The following KCNMA1 variants were observed in gnomAD, a reference collection of about 807,000 sequenced individuals.
KCNMA1 encodes Calcium-activated potassium channel subunit alpha-1.
In KCNMA1, 29 loss-of-function variants were observed where a neutral mutation model predicts 140.0. The ratio of observed to expected loss-of-function variants is 0.21; its 90% CI spans 0.15 to 0.28. KCNMA1 has a LOEUF of 0.28. Among genes scored for constraint, KCNMA1 ranks in the 10% least tolerant of loss-of-function variants. The pLI, the probability that KCNMA1 is intolerant of heterozygous loss-of-function variation, is 1.00. For synonymous variants in KCNMA1, 612 were observed against 611.9 expected (o/e 1.00, Z 0.00); for missense variants, 880 against 1,602.2 (o/e 0.55, Z 7.70).
chr10:77,559,080 T>C (rs2670107), intron 1 of KCNMA1, among the ~76,000 whole-genome samples: 59,424 of 152,066 alleles, frequency 0.39, 12,576 homozygotes, highest in Non-Finnish European at 0.48. Flanking sequence ...CCCCTGTCAC[T>C]GGGCAACATG....
chr10:77,188,244 C>T (rs1457360959), intron 3 of KCNMA1, among the ~76,000 whole-genome samples: 1 of 151,882 alleles, frequency 6.6e-6, no homozygotes, highest in Non-Finnish European at 1.5e-5. Flanking sequence ...GGCATATCCA[C>T]CTCAGAAGGA....
chr10:76,950,959 G>T (rs1235300877), intron 21 of KCNMA1, among the ~76,000 whole-genome samples: 1 of 152,168 alleles, frequency 6.6e-6, no homozygotes, highest in Admixed American at 6.5e-5. Context: ...TATCTGGGCC[G>T]CACGGAAGTG....
At chr10:76,956,040 T>G (rs774437985) in intron 20 of KCNMA1, among the ~76,000 whole-genome samples, 1 of 152,102 alleles carries the variant, frequency 6.6e-6, no homozygotes. Flanking sequence ...TATGTTCCCA[T>G]AATATCAGCA....
At chr10:77,342,408 T>C (rs1326897490) in intron 2 of KCNMA1, among the ~76,000 whole-genome samples, 1 of 152,134 alleles carries the variant, frequency 6.6e-6, no homozygotes, top group Non-Finnish European at 1.5e-5. Context: ...TCAAGGGAAA[T>C]TCAGTCATTT....
chr10:77,049,310 T>G (rs1327270724), intron 14 of KCNMA1, among the ~76,000 whole-genome samples: 2 of 152,220 alleles, frequency 1.3e-5, no homozygotes, highest in Non-Finnish European at 2.9e-5. Context: ...TGTGCTGTGC[T>G]GTCCCTGCCT....
At chr10:77,406,692 A>G (rs1304946063) in intron 1 of KCNMA1, among the ~76,000 whole-genome samples, 1 of 152,060 alleles carries the variant, frequency 6.6e-6, no homozygotes, top group African/African-American at 2.4e-5. Flanking sequence ...CCCTTCACCC[A>G]AGGACAGAAC....
chr10:77,573,627 GGAATGGAATGGAATGGAATAGAATA>G (rs1373179092), intron 1 of KCNMA1, among the ~76,000 whole-genome samples: 1,280 of 87,030 alleles, frequency 0.015, 14 homozygotes, highest in Middle Eastern at 0.022. Context: ...GGAATGGAAT[GGAATGGAATGGAATGGAATAGAATA>G]GAATAGAATA....
chr10:77,042,351 A>T (rs1040140563), intron 14 of KCNMA1, among the ~76,000 whole-genome samples: 22 of 152,218 alleles, frequency 1.4e-4, no homozygotes, highest in African/African-American at 5.1e-4. Flanking sequence ...ACTCTAACTA[A>T]TTTGAAGAAA....
At chr10:76,981,357 C>T (rs533990069) in intron 19 of KCNMA1, among the ~76,000 whole-genome samples, 1 of 152,272 alleles carries the variant, frequency 6.6e-6, no homozygotes, top group Non-Finnish European at 1.5e-5. Context: ...CAAGAAAAGC[C>T]AGAAAACGTT....
intron 1 of KCNMA1, among the ~76,000 whole-genome samples, chr10:77,543,724 C>G (rs1037272562): frequency 1.3e-5 from 2 of 152,020 alleles, no homozygotes; most frequent in Non-Finnish European, 2.9e-5. Flanking sequence ...TGAATTCCTA[C>G]GTAGGGGACA....
chr10:77,294,472 C>A (rs1236917476), intron 2 of KCNMA1, among the ~76,000 whole-genome samples: 1 of 152,172 alleles, frequency 6.6e-6, no homozygotes, highest in Non-Finnish European at 1.5e-5. Context: ...AATGCAGCAA[C>A]AACTATCATT....
At chr10:76,920,020 G>GTGTGTGTGTATATATATATA (rs1177257916) in intron 23 of KCNMA1, among the ~76,000 whole-genome samples, 2 of 34,432 alleles carry the variant, frequency 5.8e-5, no homozygotes, top group African/African-American at 2.1e-4. Context: ...GTGTGTGTGT[G>GTGTGTGTGTATATATATATA]TATATATATA....
At chr10:76,995,410 G>T (rs2083952214) in intron 19 of KCNMA1, 1 of 378,702 alleles carries the variant, frequency 2.6e-6, no homozygotes, top group African/African-American at 2.1e-5. Flanking sequence ...TGCAGGTGGA[G>T]GAAAGAGGCA....
chr10:77,523,583 T>C (rs2054380437), intron 1 of KCNMA1, among the ~76,000 whole-genome samples: 1 of 152,230 alleles, frequency 6.6e-6, no homozygotes, highest in Non-Finnish European at 1.5e-5. Flanking sequence ...TGCCTTTGCA[T>C]CTCCAGGTAA....
In KCNMA1 at chr10:77,420,870, A is replaced by G. The variant is rs116097876; in HGVS notation, c.379-16847T>C. Among the ~76,000 whole-genome samples the G allele has an allele frequency of 3.9e-3, 597 of 152,276 alleles. 2 individuals are homozygous for G. Among genetic ancestry groups the G allele is most frequent in the African/African-American group, 0.014 (566 of 41,548 alleles). ...CCCTGGTTGACTCCTAAGCTTCATA[A>G]TCATTTACATTGTATCATGCAATGG... On this transcript the variant is annotated intron_variant, in intron 1 of 27. Coordinates refer to ENST00000286628, the MANE Select transcript of KCNMA1 (RefSeq NM_001161352.2).
At chr10:77,255,446 C>T (rs2060524290) in intron 2 of KCNMA1, among the ~76,000 whole-genome samples, 1 of 151,112 alleles carries the variant, frequency 6.6e-6, no homozygotes, top group Non-Finnish European at 1.5e-5. Flanking sequence ...CCAAAAAATG[C>T]AAAAATTAGC....
chr10:77,403,593 A>C (rs547727173), intron 2 of KCNMA1, among the ~76,000 whole-genome samples: 14 of 152,146 alleles, frequency 9.2e-5, no homozygotes, highest in South Asian at 8.3e-4. Context: ...GTGTGCGCGC[A>C]TGTGTGCTTT....
intron 2 of KCNMA1, among the ~76,000 whole-genome samples, chr10:77,287,686 T>A (rs921128959): frequency 6.6e-6 from 1 of 152,192 alleles, no homozygotes; most frequent in Non-Finnish European, 1.5e-5. Context: ...AGAGGTTTCC[T>A]GGCATGGGAT....
intron 14 of KCNMA1, among the ~76,000 whole-genome samples, chr10:77,045,559 A>G (rs2094994910): frequency 6.6e-6 from 1 of 152,202 alleles, no homozygotes; most frequent in Admixed American, 6.5e-5. Flanking sequence ...AAATGGTTTC[A>G]CACCAATCCA....
Sources: allele counts gnomAD v4.1 joint callset (sites outside exome capture counted in the v4.1 genomes callset), GRCh38; gene constraint gnomAD v4.1.1; transcripts MANE v1.5; gene names NCBI Gene and HGNC (gene_info 2026-07-23, HGNC 2026-07-21).